The following RAB38 variants were observed in gnomAD, a reference collection of about 807,000 sequenced individuals.
The protein encoded by RAB38 is ras-related protein Rab-38.
A neutral mutation model predicts 18.4 loss-of-function variants in RAB38; 15 were observed. The ratio of observed to expected loss-of-function variants is 0.82; its 90% confidence interval spans 0.55 to 1.26. The LOEUF is 1.26. RAB38 is among the 50% of genes most tolerant of loss of function. RAB38 has a pLI of 0.00. For missense variants in RAB38, 294 were observed against 267.4 expected, an observed-to-expected ratio of 1.10 and a Z score of -0.69; for synonymous variants, 101 against 104.4, an observed-to-expected ratio of 0.97 and a Z score of 0.20.
the RAB38 span, among the ~76,000 whole-genome samples, chr11:87,932,133 G>C: frequency 6.6e-6 from 1 of 151,912 alleles, no homozygotes; most frequent in African/African-American, 2.4e-5. Flanking sequence ...GATTCAAGGG[G>C]GGCAAGGGGA....
chr11:87,932,951 T>G, the RAB38 span, among the ~76,000 whole-genome samples: 2 of 152,116 alleles, frequency 1.3e-5, no homozygotes, highest in African/African-American at 2.4e-5. Flanking sequence ...GTTGCAGTTA[T>G]GAGAACACAG....
chr11:87,808,228 G>A, the RAB38 span, among the ~76,000 whole-genome samples: 1 of 152,180 alleles, frequency 6.6e-6, no homozygotes, highest in Non-Finnish European at 1.5e-5. Flanking sequence ...AGGAAATGAA[G>A]CTAGAATATT....
chr11:87,911,188 TA>T, the RAB38 span, among the ~76,000 whole-genome samples: 1 of 152,058 alleles, frequency 6.6e-6, no homozygotes, highest in African/African-American at 2.4e-5. Context: ...ACTATAGTCT[TA>T]AAAGTTGGTT....
At chr11:88,159,580 A>T (rs1943164810) in intron 1 of RAB38, among the ~76,000 whole-genome samples, 1 of 152,106 alleles carries the variant, frequency 6.6e-6, no homozygotes. Flanking sequence ...TCAACTTCAA[A>T]CTATAAGGCT....
At chr11:87,868,578 G>GGAGAGA in the RAB38 span, among the ~76,000 whole-genome samples, 3 of 59,240 alleles carry the variant, frequency 5.1e-5, no homozygotes, top group East Asian at 5.7e-4. Context: ...AAGGAGTGAG[G>GGAGAGA]GAGAGAGAGA....
the RAB38 span, among the ~76,000 whole-genome samples, chr11:88,008,007 A>G: frequency 6.6e-6 from 1 of 152,184 alleles, no homozygotes. Context: ...GTTTCCATGT[A>G]TATAAAATTC....
At chr11:88,101,472 G>A in the RAB38 span, among the ~76,000 whole-genome samples, 35 of 151,764 alleles carry the variant, frequency 2.3e-4, no homozygotes, top group African/African-American at 7.7e-4. Flanking sequence ...AATTTACGCT[G>A]TATAAAAATA....
chr11:88,160,545 A>G (rs904859824), intron 1 of RAB38, among the ~76,000 whole-genome samples: 1 of 152,086 alleles, frequency 6.6e-6, no homozygotes, highest in African/African-American at 2.4e-5. Context: ...GTTCATTGCA[A>G]TACTACTGAC....
At chr11:87,949,331 A>G in the RAB38 span, among the ~76,000 whole-genome samples, 1 of 152,076 alleles carries the variant, frequency 6.6e-6, no homozygotes, top group South Asian at 2.1e-4. Context: ...TGATCCTTTC[A>G]AAAAACCAGA....
the RAB38 span, among the ~76,000 whole-genome samples, chr11:88,011,296 C>G: frequency 6.6e-6 from 1 of 152,168 alleles, no homozygotes; most frequent in African/African-American, 2.4e-5. Context: ...GCAAGGAACA[C>G]CACGTTGTAT....
At chr11:88,063,413 C>A in the RAB38 span, among the ~76,000 whole-genome samples, 3 of 152,124 alleles carry the variant, frequency 2.0e-5, no homozygotes, top group African/African-American at 7.2e-5. Flanking sequence ...ACCATTCCTA[C>A]ACTCACTTTA....
intron 2 of RAB38, among the ~76,000 whole-genome samples, chr11:88,122,703 T>C (rs1469676008): frequency 6.6e-6 from 1 of 152,214 alleles, no homozygotes; most frequent in African/African-American, 2.4e-5. Context: ...GCCACAGTAT[T>C]TGCTAGACTT....
the RAB38 span, among the ~76,000 whole-genome samples, chr11:87,945,991 AGAGAT>A: frequency 6.6e-6 from 1 of 152,130 alleles, no homozygotes; most frequent in South Asian, 2.1e-4. Context: ...GGCCCTTTTC[AGAGAT>A]GCAGAAGCTG....
the RAB38 span, among the ~76,000 whole-genome samples, chr11:87,968,854 C>T: frequency 5.9e-5 from 9 of 152,064 alleles, no homozygotes; most frequent in South Asian, 1.9e-3. Context: ...AATGTGTACA[C>T]CTGGACATAG....
intron 1 of RAB38, among the ~76,000 whole-genome samples, chr11:88,151,855 G>A (rs950535882): frequency 1.3e-5 from 2 of 152,154 alleles, no homozygotes; most frequent in Non-Finnish European, 2.9e-5. Flanking sequence ...GTGTGAGCCT[G>A]TGTGCACAAG....
the RAB38 span, among the ~76,000 whole-genome samples, chr11:88,044,825 G>A: frequency 6.6e-6 from 1 of 151,832 alleles, no homozygotes; most frequent in South Asian, 2.1e-4. Flanking sequence ...CTCCTCCCCA[G>A]GCTGCTCCCC....
At chr11:87,960,643 T>C in the RAB38 span, among the ~76,000 whole-genome samples, 7 of 152,170 alleles carry the variant, frequency 4.6e-5, no homozygotes, top group Non-Finnish European at 8.8e-5. Flanking sequence ...TTGTTACTTG[T>C]ACTCTGTACA....
At chr11:88,021,693 C>T in the RAB38 span, among the ~76,000 whole-genome samples, 4 of 150,400 alleles carry the variant, frequency 2.7e-5, no homozygotes, top group Non-Finnish European at 5.9e-5. Flanking sequence ...CGGGTTCAAG[C>T]GATCCTCATG....
chr11:87,934,494 T>C, the RAB38 span, among the ~76,000 whole-genome samples: 58 of 152,250 alleles, frequency 3.8e-4, no homozygotes, highest in African/African-American at 1.3e-3. Context: ...TGGCAAAAAG[T>C]TGACCCAGTT....
Sources: allele counts gnomAD v4.1 joint callset (sites outside exome capture counted in the v4.1 genomes callset), GRCh38; gene constraint gnomAD v4.1.1; transcripts MANE v1.5; gene names NCBI Gene and HGNC (gene_info 2026-07-23, HGNC 2026-07-21).